Variants in ATP13A5 observed in about 807,000 individuals in gnomAD.
ATP13A5 encodes the protein probable cation-transporting ATPase 13A5.
A neutral mutation model predicts 150.2 loss-of-function variants in ATP13A5; 149 were observed. The ratio of observed to expected loss-of-function variants is 0.99; its 90% CI spans 0.87 to 1.14. ATP13A5 has a LOEUF of 1.14. ATP13A5 is among the 50% of genes most tolerant of loss of function. ATP13A5 has a pLI of 0.00. For missense variants in ATP13A5, 1,383 were observed against 1,449.3 expected, an observed-to-expected ratio of 0.95 and a Z score of 0.74; for synonymous variants, 497 against 522.2, an observed-to-expected ratio of 0.95 and a Z score of 0.66.
chr3:193,288,154 T>C (rs1717794239), intron 26 of ATP13A5, among the ~76,000 whole-genome samples: 1 of 152,184 alleles, frequency 6.6e-6, no homozygotes, highest in South Asian at 2.1e-4. Flanking sequence ...AATCTGCTCC[T>C]GGTGAAGATG....
At chr3:193,277,125 A>G (rs1158093877) in intron 28 of ATP13A5, among the ~76,000 whole-genome samples, 14 of 152,188 alleles carry the variant, frequency 9.2e-5, no homozygotes, top group African/African-American at 3.4e-4. Context: ...TTTGGAGGCT[A>G]TGTGTCTGTC....
rs779531740 is a variant in ATP13A5, at chr3:193,362,582, C to T, written c.440G>A (p.Arg147Gln). Reference sequence around the variant, plus strand: ...TTGTACTTACCCAACTTTCTGAAACCGCTTCTCCAGGTCGTTCCAAACATA... The same window carrying T: ...TTGTACTTACCCAACTTTCTGAAACTGCTTCTCCAGGTCGTTCCAAACATA... Reference protein sequence around the residue: ...IRYVWNDLEKRFQKVGLLEDS... With the variant: ...IRYVWNDLEKQFQKVGLLEDS... The change falls in exon 4 of 30, where the codon CGG becomes CAG. Residue 147 changes from arginine to glutamine, a missense_variant. Physicochemically the swap from Arg to Gln is conservative, Grantham distance 43. Transcript: ENST00000342358. 1.5e-5 allele frequency: 25 copies of T among 1,614,056 alleles called. No individual in the cohort carries two copies. The highest frequency in any genetic ancestry group is 1.1e-4 in the African/African-American group (8 of 74,928).
intron 1 of ATP13A5, among the ~76,000 whole-genome samples, chr3:193,368,392 T>TTGTGTGTGTG (rs1286543236): frequency 0.13 from 18,865 of 147,170 alleles, 1,312 homozygotes; most frequent in South Asian, 0.19. Context: ...CTCTTCAGAC[T>TTGTGTGTGTG]TGTGTGTGTG....
At chr3:193,337,930 C>G (rs1711955260) in intron 9 of ATP13A5, among the ~76,000 whole-genome samples, 1 of 152,148 alleles carries the variant, frequency 6.6e-6, no homozygotes. Context: ...TGTAGTTCTC[C>G]TTGAAGAGGT....
intron 12 of ATP13A5, among the ~76,000 whole-genome samples, chr3:193,330,211 C>T (rs9852943): frequency 8.9e-4 from 135 of 152,284 alleles, no homozygotes; most frequent in African/African-American, 3.1e-3. Flanking sequence ...GGTAACTGTG[C>T]CCCGCGCTTT....
At chr3:193,366,103 A>C (rs988477481) in intron 1 of ATP13A5, among the ~76,000 whole-genome samples, 1 of 152,086 alleles carries the variant, frequency 6.6e-6, no homozygotes, top group African/African-American at 2.4e-5. Context: ...ACCAAATGAT[A>C]GCTAATGGTT....
At position 193,331,115 on chromosome 3, in the gene ATP13A5, G is replaced by A. The variant is rs887572981; in HGVS notation, c.1461+8C>T. The A allele has an allele frequency of 6.1e-5, 98 of 1,612,062 alleles. No individual in the cohort carries two copies. Among genetic ancestry groups the A allele is most frequent in the Non-Finnish European group, 7.6e-5 (90 of 1,178,812 alleles). Reference sequence around the variant, plus strand: ...ATTAACATTAAACCTGAGAAGTCTGGATCATACTTTGTCAAAGCACACGAG... The same window carrying A: ...ATTAACATTAAACCTGAGAAGTCTGAATCATACTTTGTCAAAGCACACGAG... On this transcript the variant is annotated splice_region_variant and intron_variant, in intron 12 of 29. Coordinates refer to ENST00000342358, the MANE Select transcript of ATP13A5 (RefSeq NM_198505.4).
chr3:193,318,990 C>G lies in ATP13A5; in HGVS notation c.2033+1G>C, dbSNP rs748521980. ...CTAGTGCCAATTTCTGAATTGCTTA[C>G]CTGGCTAAGTGCTCGACTTCTGAAA... On this transcript the variant is annotated splice_donor_variant, in intron 17 of 29. Transcript: ENST00000342358. LOFTEE classifies it high-confidence loss of function. The G allele has an allele frequency of 1.2e-6, 2 of 1,610,518 alleles. No individual in the cohort carries two copies. The highest frequency in any genetic ancestry group is 2.2e-5 in the South Asian group (2 of 90,998).
chr3:193,296,354 T>C (rs1718169921), intron 25 of ATP13A5, among the ~76,000 whole-genome samples: 1 of 152,064 alleles, frequency 6.6e-6, no homozygotes, highest in South Asian at 2.1e-4. Context: ...TGACAGGATA[T>C]TTTTGTGTAA....
Position 193,364,184 on chromosome 3 carries a change from T to C in ATP13A5, c.160A>G (p.Arg54Gly). ...CGGLLLVFYW[R>G]PQWRVWANCI... is the part of the protein sequence containing the mutation. ...TTGGCCCACACTCTCCACTGGGGTC[T>C]CCAGTAGAACACCAGCAGAAGGCCC... The change falls in exon 2 of 30, where the codon AGA (arginine) becomes GGA (glycine). Residue 54 changes from arginine to glycine, a missense_variant. This residue lies in a region of ATP13A5 where 787 missense variants were observed against 771.9 expected (regional missense o/e 1.02). Coordinates refer to ENST00000342358, the MANE Select transcript of ATP13A5 (RefSeq NM_198505.4). 1.2e-6 allele frequency: 2 copies of C among 1,614,046 alleles called. No individual in the cohort carries two copies. The highest frequency in any genetic ancestry group is 1.7e-6 in the Non-Finnish European group (2 of 1,179,942).
chr3:193,342,730 G>A (rs1459762365), intron 9 of ATP13A5, among the ~76,000 whole-genome samples: 1 of 152,154 alleles, frequency 6.6e-6, no homozygotes, highest in Non-Finnish European at 1.5e-5. Flanking sequence ...CAAGGGCAGT[G>A]AGACTTTCTG....
intron 1 of ATP13A5, among the ~76,000 whole-genome samples, chr3:193,374,647 A>G (rs924411327): frequency 2.7e-5 from 4 of 148,512 alleles, no homozygotes; most frequent in African/African-American, 5.0e-5. Flanking sequence ...CATGACACAC[A>G]CACACACACA....
chr3:193,279,862 C>G (rs1014531923), intron 27 of ATP13A5, among the ~76,000 whole-genome samples: 9 of 151,468 alleles, frequency 5.9e-5, no homozygotes, highest in African/African-American at 1.9e-4. Flanking sequence ...TGGTCCCAAT[C>G]AGCCTTTCTA....
rs760237068 is a variant in ATP13A5 at position 193,285,017 on chromosome 3, A to T, written c.3123T>A (p.Ser1041Arg). The change falls in exon 27 of 30, where the codon AGT becomes AGA. Residue 1041 changes from serine to arginine, a missense_variant. This residue lies in a region of ATP13A5 where 568 missense variants were observed against 621.5 expected (regional missense o/e 0.91). Coordinates refer to ENST00000342358, the MANE Select transcript of ATP13A5 (RefSeq NM_198505.4). The stretch of plus-strand genomic sequence containing the variant: ...TGGGCCACAGTGTGGTGGTCTCAAA[A>T]CTTAAAATTGAACCAGGAATCAGAG... ...NATLIPGSIL[S>R]FETTTLWPIT... 1.9e-6 allele frequency: 3 copies of T among 1,614,122 alleles called. No homozygotes were observed. Among genetic ancestry groups the T allele is most frequent in the East Asian group, 4.5e-5 (2 of 44,858 alleles).
At chr3:193,282,400 A>C (rs561348921) in intron 27 of ATP13A5, among the ~76,000 whole-genome samples, 1 of 151,648 alleles carries the variant, frequency 6.6e-6, no homozygotes, top group East Asian at 1.9e-4. Flanking sequence ...TTTGAGACGG[A>C]GTCTCGCTCT....
At chr3:193,352,514 A>C (rs1166781708) in intron 6 of ATP13A5, among the ~76,000 whole-genome samples, 1 of 152,072 alleles carries the variant, frequency 6.6e-6, no homozygotes, top group African/African-American at 2.4e-5. Context: ...CTTTCTACTA[A>C]AGGGCTAGTA....
At chr3:193,287,038 T>G (rs955249432) in intron 26 of ATP13A5, among the ~76,000 whole-genome samples, 3 of 152,102 alleles carry the variant, frequency 2.0e-5, no homozygotes, top group Non-Finnish European at 2.9e-5. Context: ...TAAGCCAAAG[T>G]CTAATCCAGA....
chr3:193,325,546 A>T lies in ATP13A5; in HGVS notation c.1524-532T>A, dbSNP rs561380820. 1.4e-4 allele frequency among the ~76,000 whole-genome samples: 22 copies of T among 152,340 alleles called. No individual in the cohort carries two copies. In the East Asian group the frequency reaches 4.2e-3, roughly 29 times the overall value. ...CATTGTGGGAAGGCACTGAACAGGC[A>T]GCTGGGAGTCATACCTGCAAACTCT... On this transcript the variant is annotated intron_variant, in intron 13 of 29. Coordinates refer to ENST00000342358, the MANE Select transcript of ATP13A5 (RefSeq NM_198505.4).
intron 13 of ATP13A5, among the ~76,000 whole-genome samples, chr3:193,326,634 A>G (rs985704622): frequency 6.0e-4 from 91 of 152,028 alleles, no homozygotes; most frequent in African/African-American, 2.2e-3. Context: ...GTGTATTTGC[A>G]CCTTTTTATC....
Sources: gnomAD v4.1 joint callset for allele counts (sites outside exome capture counted in the v4.1 genomes callset) on GRCh38, gnomAD v4.1.1 for gene constraint, gnomAD v4.1.1 regional missense constraint, MANE v1.5 for transcripts, NCBI Gene and HGNC (gene_info 2026-07-23, HGNC 2026-07-21) for gene names.